CELF1: variants seen among roughly 807,000 people sequenced by gnomAD.
The protein encoded by CELF1 is CUGBP Elav-like family member 1.
Under a neutral mutation model 61.8 loss-of-function variants are expected in CELF1, and 10 were observed. The observed-to-expected ratio is 0.16, with a 90% confidence interval of 0.10 to 0.27. CELF1 has a LOEUF of 0.27. CELF1 is among the 10% of genes least tolerant of loss of function. CELF1 has a pLI of 1.00. For synonymous variants in CELF1, 236 were observed against 225.1 expected, an observed-to-expected ratio of 1.05 and a Z score of -0.43; for missense variants, 380 against 639.1, an observed-to-expected ratio of 0.59 and a Z score of 4.37.
At chr11:47,552,071 T>C (rs2097152340) in intron 1 of CELF1, among the ~76,000 whole-genome samples, 1 of 152,042 alleles carries the variant, frequency 6.6e-6, no homozygotes, top group African/African-American at 2.4e-5. Context: ...TGTAACCTCT[T>C]ACACTGCACA....
intron 2 of CELF1, among the ~76,000 whole-genome samples, chr11:47,558,969 T>G: frequency 7.2e-6 from 1 of 139,848 alleles, no homozygotes; most frequent in East Asian, 2.0e-4. Context: ...ATATGTAATA[T>G]ATTATATATG....
chr11:47,499,354 T>C, intron 3 of CELF1, 99 bp downstream of exon 3: 1 of 899,282 alleles, frequency 1.1e-6, no homozygotes, highest in Non-Finnish European at 1.7e-6. Flanking sequence ...TCCCCATTTT[T>C]CTCTTCCCCT....
At chr11:47,540,336 T>C (rs1037945051) in intron 1 of CELF1, among the ~76,000 whole-genome samples, 2 of 152,210 alleles carry the variant, frequency 1.3e-5, no homozygotes, top group African/African-American at 2.4e-5. Context: ...CTGCTCCTCT[T>C]GCTCTAGCCA....
intron 3 of CELF1, chr11:47,494,487 G>A (rs1284128192): frequency 5.1e-6 from 5 of 983,292 alleles, no homozygotes; most frequent in South Asian, 4.7e-5. Context: ...AGAGACACAC[G>A]AGGGAACAAA....
intron 1 of CELF1, among the ~76,000 whole-genome samples, chr11:47,541,840 G>A (rs1261105821): frequency 2.0e-5 from 3 of 149,604 alleles, no homozygotes; most frequent in East Asian, 2.0e-4. Context: ...GAAAGAAAAT[G>A]GAAACTACTG....
At chr11:47,556,369 A>G (rs1210432491), upstream of CELF1, among the ~76,000 whole-genome samples, 74 of 152,064 alleles carry the variant, frequency 4.9e-4, 1 homozygote, top group Admixed American at 4.8e-3. Flanking sequence ...TCTTTTGTAG[A>G]GACAGGGGTC....
At chr11:47,519,868 A>G (rs1485525628) in intron 1 of CELF1, among the ~76,000 whole-genome samples, 1 of 152,136 alleles carries the variant, frequency 6.6e-6, no homozygotes, top group Non-Finnish European at 1.5e-5. Flanking sequence ...GTCTCAAAAA[A>G]AAAAAAAAGG....
rs2087959474 is a variant in CELF1 at position 47,487,257 on chromosome 11, T to C, written c.260-16A>G. On this transcript the variant is annotated splice_polypyrimidine_tract_variant and intron_variant, in intron 4 of 14. Coordinates refer to ENST00000687097, the MANE Select transcript of CELF1 (RefSeq NM_001376376.1). The stretch of plus-strand genomic sequence containing the variant: ...AAACAGCACCCTGCAATAAATAAGA[T>C]TTCATAAAATCAAACTTTGGAAAGC... 6.3e-7 allele frequency: 1 copy of C among 1,594,712 alleles called. No homozygotes were observed. The highest frequency in any genetic ancestry group is 2.2e-5 in the East Asian group (1 of 44,738).
chr11:47,477,029 A>C, intron 11 of CELF1, 70 bp from the exon 12 acceptor site: 1 of 1,289,656 alleles, frequency 7.8e-7, no homozygotes, highest in Non-Finnish European at 1.1e-6. Context: ...AAAAAGTGTC[A>C]CTATCCAAGT....
chr11:47,483,612 C>CAGT, intron 7 of CELF1, 80 bp from the exon 8 acceptor site: 3 of 1,017,906 alleles, frequency 2.9e-6, no homozygotes, highest in Non-Finnish European at 4.6e-6. Context: ...TATGTGCTGA[C>CAGT]TATCATGCTA....
rs1225884584 is a variant in CELF1 at position 47,466,274 on chromosome 11, A to G, written c.*5956T>C. 6.6e-6 allele frequency: 1 copy of G among 152,242 alleles called. No individual in the cohort carries two copies. The highest frequency in any genetic ancestry group is 1.5e-5 in the Non-Finnish European group (1 of 68,038). The allele number at this position is 152,242 out of a possible 1,614,324, so 9.4% of individuals were successfully genotyped here. A position where few individuals can be genotyped will look rare whatever the true frequency, so the allele number is the denominator to read the frequency against. On this transcript the variant is annotated 3_prime_UTR_variant, in exon 15 of 15. Transcript: ENST00000687097. ...CAACACAAGTTCACACAAAAAAGAC[A>G]TTTTCTTTTGCAAATCAAAACAGGA...
chr11:47,468,063 AAC>A lies in CELF1; in HGVS notation c.*4165_*4166del, dbSNP rs1190223596. 3.3e-5 allele frequency: 5 copies of A among 152,182 alleles called. No individual in the cohort carries two copies. The East Asian group carries it at 5.8e-4, about 18-fold the overall frequency. The allele number at this position is 152,182 out of a possible 1,614,324, so 9.4% of individuals were successfully genotyped here. The stretch of plus-strand genomic sequence containing the variant: ...AGGAAAGGAAAAAATTCAAAACAAA[AAC>A]ACAAAAACAATACAAAAACAAAAAC... On this transcript the variant is annotated 3_prime_UTR_variant, in exon 15 of 15. Coordinates refer to ENST00000687097, the MANE Select transcript of CELF1 (RefSeq NM_001376376.1).
At chr11:47,558,664 CATAAT>C (rs1309786866) in intron 2 of CELF1, among the ~76,000 whole-genome samples, 2 of 91,758 alleles carry the variant, frequency 2.2e-5, no homozygotes, top group Non-Finnish European at 4.0e-5. Flanking sequence ...TAATATATTA[CATAAT>C]ATAATATGTA....
chr11:47,484,383 A>G lies in CELF1; in HGVS notation c.526+6T>C. On this transcript the variant is annotated splice_donor_region_variant and intron_variant, in intron 7 of 14. Transcript: ENST00000687097. ...AAAAGATTATTTAAAAGCTAAAACT[A>G]CCTACCTCGGCTCAGGCCATCAGGT... 6.2e-7 allele frequency: 1 copy of G among 1,606,774 alleles called. No homozygotes were observed. Among genetic ancestry groups the G allele is most frequent in the Admixed American group, 1.7e-5 (1 of 57,570 alleles).
chr11:47,541,725 AG>A (rs2096791009), intron 1 of CELF1, among the ~76,000 whole-genome samples: 2 of 35,582 alleles, frequency 5.6e-5, no homozygotes, highest in Non-Finnish European at 1.4e-4. Context: ...AAAGAAAGAA[AG>A]AACGAAAGAA....
At chr11:47,508,223 T>C (rs941955324) in intron 1 of CELF1, among the ~76,000 whole-genome samples, 2 of 152,250 alleles carry the variant, frequency 1.3e-5, no homozygotes, top group African/African-American at 2.4e-5. Context: ...GTTAAATTTC[T>C]ACCTGTTAAG....
At chr11:47,534,617 A>G (rs1488134205) in intron 1 of CELF1, among the ~76,000 whole-genome samples, 1 of 151,990 alleles carries the variant, frequency 6.6e-6, no homozygotes, top group Non-Finnish European at 1.5e-5. Flanking sequence ...AGTCCCAGCT[A>G]CTCGGGAGGC....
At chr11:47,493,615 T>C (rs180853095) in intron 3 of CELF1, among the ~76,000 whole-genome samples, 6 of 151,762 alleles carry the variant, frequency 4.0e-5, no homozygotes, top group Admixed American at 1.3e-4. Flanking sequence ...TTTACAGAAA[T>C]TAGACTGAGC....
chr11:47,506,243 G>A (rs61895104), intron 1 of CELF1, among the ~76,000 whole-genome samples: 17,688 of 150,828 alleles, frequency 0.12, 1,703 homozygotes, highest in Non-Finnish European at 0.15. Context: ...TGGCTAACAC[G>A]ATGAAACCCC....
Sources: allele counts gnomAD v4.1 joint callset (sites outside exome capture counted in the v4.1 genomes callset), GRCh38; gene constraint gnomAD v4.1.1; transcripts MANE v1.5; gene names NCBI Gene and HGNC (gene_info 2026-07-23, HGNC 2026-07-21).